The following KCNQ5 variants were observed in gnomAD, a reference collection of about 807,000 sequenced individuals.
The protein encoded by KCNQ5 is potassium voltage-gated channel subfamily Q member 5.
KCNQ5 carries 30 observed loss-of-function variants against 98.2 expected under a neutral mutation model. The observed-to-expected ratio is 0.31, with a 90% CI of 0.23 to 0.41. KCNQ5 has a LOEUF of 0.41. KCNQ5 is among the 10% of genes least tolerant of loss of function. The pLI, the probability that KCNQ5 is intolerant of heterozygous loss-of-function variation, is 1.00. For missense variants in KCNQ5, 835 were observed against 1,182.5 expected (o/e 0.71, Z 4.31); for synonymous variants, 458 against 449.4 (o/e 1.02, Z -0.24).
At chr6:72,984,336 G>C (rs1349820186) in intron 1 of KCNQ5, among the ~76,000 whole-genome samples, 1 of 152,184 alleles carries the variant, frequency 6.6e-6, no homozygotes, top group African/African-American at 2.4e-5. Flanking sequence ...ACAAAGGCAG[G>C]CAGGCCTTGT....
rs116675500 is a variant in KCNQ5 at position 72,833,273 on chromosome 6, T to C, written c.399-170635T>C. On this transcript the variant is annotated intron_variant, in intron 1 of 13. Transcript: ENST00000370398. ...TGTTTCCTCATCCATAAAGTGAGGATGATAATGTGCCCATCTCATAGGGTT... is the reference window on the plus strand; with the variant it reads ...TGTTTCCTCATCCATAAAGTGAGGACGATAATGTGCCCATCTCATAGGGTT... 6.4e-3 allele frequency among the ~76,000 whole-genome samples: 982 copies of C among 152,290 alleles called. 11 individuals are homozygous for C. Among genetic ancestry groups the C allele is most frequent in the African/African-American group, 0.022 (897 of 41,564 alleles).
At chr6:73,118,624 C>T (rs964637990) in intron 7 of KCNQ5, among the ~76,000 whole-genome samples, 1 of 152,090 alleles carries the variant, frequency 6.6e-6, no homozygotes, top group Non-Finnish European at 1.5e-5. Context: ...TACATTTATT[C>T]AATGATATTC....
intron 6 of KCNQ5, 102 bp from the exon 7 acceptor site, chr6:73,111,206 C>A: frequency 1.3e-6 from 1 of 762,778 alleles, no homozygotes; most frequent in Non-Finnish European, 2.3e-6. Context: ...AGGTTACATA[C>A]CGTTTGTCTT....
chr6:73,104,896 C>T (rs562851524), intron 5 of KCNQ5, among the ~76,000 whole-genome samples: 36 of 152,262 alleles, frequency 2.4e-4, no homozygotes, highest in Admixed American at 2.6e-4. Context: ...GCTAAGGTAA[C>T]GAAGGGACAG....
At chr6:73,116,839 T>C (rs1429831546) in intron 7 of KCNQ5, among the ~76,000 whole-genome samples, 1 of 152,228 alleles carries the variant, frequency 6.6e-6, no homozygotes, top group East Asian at 1.9e-4. Flanking sequence ...TTTTAAACTC[T>C]GTACCTTGAA....
At chr6:72,838,213 G>A (rs1776600635) in intron 1 of KCNQ5, among the ~76,000 whole-genome samples, 1 of 148,890 alleles carries the variant, frequency 6.7e-6, no homozygotes, top group Non-Finnish European at 1.5e-5. Flanking sequence ...ATCAATGTCC[G>A]AGACTTCAGT....
chr6:72,719,797 C>T (rs1164475833), intron 1 of KCNQ5, among the ~76,000 whole-genome samples: 1 of 152,154 alleles, frequency 6.6e-6, no homozygotes, highest in Non-Finnish European at 1.5e-5. Context: ...CTCTAGAACC[C>T]TCTAATGCAG....
chr6:72,698,631 G>GT (rs1443756633), intron 1 of KCNQ5, among the ~76,000 whole-genome samples: 1 of 116,594 alleles, frequency 8.6e-6, no homozygotes. Context: ...GTAAATCTGT[G>GT]TTTTTTTCTT....
intron 1 of KCNQ5, among the ~76,000 whole-genome samples, chr6:72,779,704 G>A (rs2154477804): frequency 6.6e-6 from 1 of 152,182 alleles, no homozygotes; most frequent in South Asian, 2.1e-4. Context: ...GAGTGCAGTG[G>A]CACAAGAATG....
intron 1 of KCNQ5, among the ~76,000 whole-genome samples, chr6:72,912,749 C>A (rs1215131011): frequency 2.0e-5 from 3 of 152,146 alleles, no homozygotes; most frequent in Non-Finnish European, 2.9e-5. Flanking sequence ...TAAAAAAGTT[C>A]TCCAATGCTA....
intron 9 of KCNQ5, chr6:73,129,846 A>G (rs767467020): frequency 3.7e-6 from 6 of 1,611,882 alleles, no homozygotes; most frequent in Non-Finnish European, 5.1e-6. Context: ...TCACGGAAGC[A>G]GAGGTACCCA....
In KCNQ5 at chr6:72,881,848, C is replaced by T. The variant is rs185287155; in HGVS notation, c.399-122060C>T. 2.7e-4 allele frequency among the ~76,000 whole-genome samples: 41 copies of T among 152,222 alleles called. No individual in the cohort carries two copies. In the East Asian group the frequency reaches 5.2e-3, roughly 19 times the overall value. On this transcript the variant is annotated intron_variant, in intron 1 of 13. Coordinates refer to ENST00000370398, the MANE Select transcript of KCNQ5 (RefSeq NM_019842.4). ...CTGGGATTGCAGATGCATGCCACCA[C>T]GCTTAACTAATTTTTGTATTTTCAG...
chr6:72,807,966 G>A (rs778085773), intron 1 of KCNQ5, among the ~76,000 whole-genome samples: 2 of 152,214 alleles, frequency 1.3e-5, no homozygotes, highest in Non-Finnish European at 1.5e-5. Flanking sequence ...AGAAAGGGAA[G>A]TGAGAAGAAA....
At chr6:73,077,965 G>A in intron 5 of KCNQ5, 78 bp downstream of exon 5, 1 of 1,160,082 alleles carries the variant, frequency 8.6e-7, no homozygotes, top group Non-Finnish European at 1.2e-6. Flanking sequence ...GGTTCCTATG[G>A]ATGGTTTCAA....
In KCNQ5 at chr6:72,622,133, G is replaced by A. The variant is rs1731681367; in HGVS notation, c.-57G>A. The A allele has an allele frequency of 5.8e-6, 7 of 1,207,566 alleles. No individual in the cohort carries two copies. The highest frequency in any genetic ancestry group is 7.2e-6 in the Non-Finnish European group (7 of 971,394). The allele number at this position is 1,207,566 out of a possible 1,614,324, so 74.8% of individuals were successfully genotyped here. On this transcript the variant is annotated 5_prime_UTR_variant, in exon 1 of 14. Coordinates refer to ENST00000370398, the MANE Select transcript of KCNQ5 (RefSeq NM_019842.4). This position sits in a 1 kb window ranked among gnomAD's most constrained non-coding sequence, Gnocchi z 6.0. Reference sequence around the variant, plus strand: ...CCTTGAAACCCGCCGGCGCACATGAGGCCGCTGCCCCCGCCGCAGGCGCTG... The same window carrying A: ...CCTTGAAACCCGCCGGCGCACATGAAGCCGCTGCCCCCGCCGCAGGCGCTG...
intron 1 of KCNQ5, among the ~76,000 whole-genome samples, chr6:72,962,268 CAT>C (rs147877211): frequency 0.033 from 4,378 of 132,302 alleles, 81 homozygotes; most frequent in Middle Eastern, 0.1. Context: ...TATATATATA[CAT>C]ATATATATAT....
intron 3 of KCNQ5, among the ~76,000 whole-genome samples, chr6:73,060,923 A>G (rs1562154233): frequency 6.6e-6 from 1 of 152,214 alleles, no homozygotes; most frequent in Non-Finnish European, 1.5e-5. Flanking sequence ...GCAAAGGGGT[A>G]TCACCCTTAT....
At chr6:73,135,726 A>G (rs1442588866) in intron 10 of KCNQ5, 1 of 152,260 alleles carries the variant, frequency 6.6e-6, no homozygotes, top group Non-Finnish European at 1.5e-5. Context: ...TCAAGCTGCT[A>G]TAACAAAGTA....
intron 1 of KCNQ5, among the ~76,000 whole-genome samples, chr6:72,954,018 A>G (rs1766930214): frequency 6.6e-6 from 1 of 152,160 alleles, no homozygotes; most frequent in Non-Finnish European, 1.5e-5. Context: ...TGAGTCAACA[A>G]AAGGCTCTTG....
Sources: allele counts gnomAD v4.1 joint callset (sites outside exome capture counted in the v4.1 genomes callset), GRCh38; gene constraint gnomAD v4.1.1; non-coding constraint Gnocchi (gnomAD v3.1); transcripts MANE v1.5; gene names NCBI Gene and HGNC (gene_info 2026-07-23, HGNC 2026-07-21).